The following DRC11 variants were observed in gnomAD, a reference collection of about 807,000 sequenced individuals.
DRC11 encodes the protein dynein regulatory complex subunit 11.
chr2:236,350,097 C>T, the DRC11 span, among the ~76,000 whole-genome samples: 8 of 152,194 alleles, frequency 5.3e-5, no homozygotes, highest in Admixed American at 1.3e-4. This position sits in a 1 kb window ranked among gnomAD's most constrained non-coding sequence, Gnocchi z 5.2. Context: ...AACTAAGCTG[C>T]GCAGCCTTGA....
At chr2:236,468,663 C>T in the DRC11 span, among the ~76,000 whole-genome samples, 4 of 152,022 alleles carry the variant, frequency 2.6e-5, no homozygotes, top group Admixed American at 6.6e-5. Context: ...TTTTTCATTC[C>T]TCGTGCTTAC....
chr2:236,318,540 T>C, the DRC11 span, among the ~76,000 whole-genome samples: 1 of 150,654 alleles, frequency 6.6e-6, no homozygotes, highest in African/African-American at 2.5e-5. The surrounding 1 kb of genome is among the most constrained non-coding windows in gnomAD (Gnocchi z 7.0). Flanking sequence ...TGTATATATG[T>C]ATATGAGTGT....
the DRC11 span, among the ~76,000 whole-genome samples, chr2:236,485,731 AG>A: frequency 6.6e-6 from 1 of 152,194 alleles, no homozygotes; most frequent in East Asian, 1.9e-4. Context: ...GACAGAGCCC[AG>A]CCTGGCAGTG....
chr2:236,500,877 T>C, the DRC11 span, among the ~76,000 whole-genome samples: 1 of 152,150 alleles, frequency 6.6e-6, no homozygotes, highest in Non-Finnish European at 1.5e-5. The surrounding 1 kb of genome is among the most constrained non-coding windows in gnomAD (Gnocchi z 6.3). Flanking sequence ...TTTGTATTTT[T>C]AGTAGAGACA....
At chr2:236,453,580 G>A in the DRC11 span, among the ~76,000 whole-genome samples, 1 of 152,310 alleles carries the variant, frequency 6.6e-6, no homozygotes, top group Non-Finnish European at 1.5e-5. This position sits in a 1 kb window ranked among gnomAD's most constrained non-coding sequence, Gnocchi z 4.9. Flanking sequence ...CCCAGCTACG[G>A]TGACTGCAGC....
At chr2:236,395,450 T>C in the DRC11 span, among the ~76,000 whole-genome samples, 3 of 152,230 alleles carry the variant, frequency 2.0e-5, no homozygotes, top group Non-Finnish European at 2.9e-5. Flanking sequence ...GTCACTAATA[T>C]GTGGAAGTTC....
the DRC11 span, among the ~76,000 whole-genome samples, chr2:236,418,333 G>T: frequency 2.0e-5 from 3 of 152,148 alleles, no homozygotes; most frequent in African/African-American, 7.2e-5. Flanking sequence ...CAGTGATAAT[G>T]AGCTTCTTTT....
At chr2:236,427,742 TTCTTA>T in the DRC11 span, among the ~76,000 whole-genome samples, 1 of 152,102 alleles carries the variant, frequency 6.6e-6, no homozygotes, top group Non-Finnish European at 1.5e-5. The surrounding 1 kb of genome is among the most constrained non-coding windows in gnomAD (Gnocchi z 5.9). Flanking sequence ...TTTATTTTTG[TTCTTA>T]TCTTTATTTC....
chr2:236,454,542 T>A, the DRC11 span: 2 of 152,230 alleles, frequency 1.3e-5, no homozygotes, highest in Non-Finnish European at 2.9e-5. The surrounding 1 kb of genome is among the most constrained non-coding windows in gnomAD (Gnocchi z 5.3). Flanking sequence ...CACAAGGAAT[T>A]CAAAATAATG....
the DRC11 span, among the ~76,000 whole-genome samples, chr2:236,428,074 C>T: frequency 7.2e-5 from 11 of 152,114 alleles, 1 homozygote; most frequent in African/African-American, 2.7e-4. Context: ...CCTGGTTTCA[C>T]ACCATTGCAG....
the DRC11 span, chr2:236,408,604 A>G: frequency 1.4e-6 from 1 of 727,140 alleles, no homozygotes. This position sits in a 1 kb window ranked among gnomAD's most constrained non-coding sequence, Gnocchi z 5.5. Flanking sequence ...ATGACTTGGC[A>G]GTGCTTCTTC....
chr2:236,412,430 G>A, the DRC11 span, among the ~76,000 whole-genome samples: 12 of 152,056 alleles, frequency 7.9e-5, no homozygotes, highest in South Asian at 1.7e-3. Flanking sequence ...TACCTCATCC[G>A]TGCCCCACCT....
At chr2:236,396,305 G>T in the DRC11 span, among the ~76,000 whole-genome samples, 2 of 112,572 alleles carry the variant, frequency 1.8e-5, no homozygotes, top group Non-Finnish European at 3.6e-5. Context: ...AGAGGGGCGG[G>T]GGGGGGTTAA....
At chr2:236,424,080 T>C in the DRC11 span, among the ~76,000 whole-genome samples, 17 of 147,452 alleles carry the variant, frequency 1.2e-4, no homozygotes, top group East Asian at 6.3e-4. Flanking sequence ...AGGGATAGCA[T>C]TGGGAGATAT....
the DRC11 span, among the ~76,000 whole-genome samples, chr2:236,444,756 C>A: frequency 1.3e-5 from 2 of 152,262 alleles, no homozygotes; most frequent in African/African-American, 4.8e-5. Context: ...CACTTATTCA[C>A]TCCTCCATCC....
At chr2:236,335,110 G>A in the DRC11 span, among the ~76,000 whole-genome samples, 16 of 152,306 alleles carry the variant, frequency 1.1e-4, no homozygotes, top group African/African-American at 2.9e-4. This position sits in a 1 kb window ranked among gnomAD's most constrained non-coding sequence, Gnocchi z 5.6. Flanking sequence ...CACGTGGCCC[G>A]GAGGAATTTG....
the DRC11 span, among the ~76,000 whole-genome samples, chr2:236,329,236 C>T: frequency 6.6e-6 from 1 of 152,330 alleles, no homozygotes; most frequent in African/African-American, 2.4e-5. Context: ...CTTACTCCAT[C>T]GGCAGCCTTA....
the DRC11 span, among the ~76,000 whole-genome samples, chr2:236,483,119 T>C: frequency 2.0e-5 from 3 of 152,212 alleles, no homozygotes; most frequent in African/African-American, 7.2e-5. This position sits in a 1 kb window ranked among gnomAD's most constrained non-coding sequence, Gnocchi z 4.8. Flanking sequence ...ATAGTGCATA[T>C]AGGTGAAATC....
chr2:236,394,846 C>A, the DRC11 span, among the ~76,000 whole-genome samples: 1 of 152,118 alleles, frequency 6.6e-6, no homozygotes, highest in Non-Finnish European at 1.5e-5. The surrounding 1 kb of genome is among the most constrained non-coding windows in gnomAD (Gnocchi z 7.0). Flanking sequence ...CTCCTACCAG[C>A]AAACCGAAGG....
Sources: allele counts gnomAD v4.1 joint callset (sites outside exome capture counted in the v4.1 genomes callset), GRCh38; gene constraint gnomAD v4.1.1; non-coding constraint Gnocchi (gnomAD v3.1); transcripts MANE v1.5; gene names NCBI Gene and HGNC (gene_info 2026-07-23, HGNC 2026-07-21).